The following ADAMTS9 variants were observed in gnomAD, a reference collection of about 807,000 sequenced individuals.
The protein encoded by ADAMTS9 is A disintegrin and metalloproteinase with thrombospondin motifs 9.
Under a neutral mutation model 257.1 loss-of-function variants are expected in ADAMTS9, and 107 were observed. That is an observed-to-expected ratio of 0.42 (90% CI 0.36 to 0.49). ADAMTS9 has a LOEUF of 0.49. Among genes scored for constraint, ADAMTS9 ranks in the 20% least tolerant of loss-of-function variants. The probability of loss-of-function intolerance (pLI) is 0.03; values close to 1 mark genes in which losing one functional copy is unlikely to be tolerated. For missense variants in ADAMTS9, 2,353 were observed against 2,469.1 expected (o/e 0.95, Z 1.00); for synonymous variants, 982 against 880.9 (o/e 1.11, Z -2.03).
At chr3:64,528,761 G>T (rs1174359460) in intron 38 of ADAMTS9, among the ~76,000 whole-genome samples, 4 of 152,284 alleles carry the variant, frequency 2.6e-5, no homozygotes, top group African/African-American at 9.6e-5. Flanking sequence ...TGCCCAGTAG[G>T]ATACCAACAG....
chr3:64,675,729 C>T (rs968651146), intron 3 of ADAMTS9, among the ~76,000 whole-genome samples: 82 of 152,296 alleles, frequency 5.4e-4, no homozygotes, highest in Admixed American at 4.6e-3. Flanking sequence ...GGTTAAGGCT[C>T]AGACTCTCTT....
chr3:64,608,846 T>A (rs191083437), intron 22 of ADAMTS9, among the ~76,000 whole-genome samples: 1 of 151,904 alleles, frequency 6.6e-6, no homozygotes, highest in African/African-American at 2.4e-5. Flanking sequence ...ACCAGATTAA[T>A]ATTGCTTATA....
chr3:64,608,258 C>CA (rs57247914), intron 22 of ADAMTS9, among the ~76,000 whole-genome samples: 11,804 of 53,214 alleles, frequency 0.22, 1,037 homozygotes, highest in African/African-American at 0.29. Flanking sequence ...AAACTAAAAC[C>CA]AAAAAAAAAA....
intron 39 of ADAMTS9, among the ~76,000 whole-genome samples, chr3:64,520,100 AGGGT>A (rs900178873): frequency 6.6e-6 from 1 of 152,236 alleles, no homozygotes; most frequent in Non-Finnish European, 1.5e-5. Context: ...GTAAATTTTC[AGGGT>A]GCAAAATAAA....
chr3:64,550,896 G>C lies in ADAMTS9; in HGVS notation c.4865C>G (p.Ser1622Ter), dbSNP rs2083261584. ...CEYVWITGEW[S>*]ECSVTCGKGY... The stretch of plus-strand genomic sequence containing the variant: ...TTACAGTTCCCAGGACGGTACCTCT[G>C]ACCATTCTCCTGTGATCCAGACATA... The change falls in exon 31 of 40, where the codon TCA (serine) becomes TGA (stop). Residue 1622 changes from serine (S) to a stop codon, truncating the protein, a stop_gained. Transcript: ENST00000498707. LOFTEE classifies it high-confidence loss of function. 1 of 1,614,086 alleles carries C rather than the reference G, an allele frequency of 6.2e-7. No homozygotes were observed. The highest frequency in any genetic ancestry group is 8.5e-7 in the Non-Finnish European group (1 of 1,180,000).
intron 3 of ADAMTS9, among the ~76,000 whole-genome samples, chr3:64,664,991 T>G (rs1220157390): frequency 1.3e-5 from 2 of 152,190 alleles, no homozygotes; most frequent in Non-Finnish European, 2.9e-5. Context: ...ATTAAATAGC[T>G]TATGAAGAAC....
At position 64,533,266 on chromosome 3, in the gene ADAMTS9, C is replaced by A; in HGVS notation, c.5618G>T (p.Arg1873Leu). The part of the protein sequence containing the change: ...CYSAAKCPQG[R>L]FSINLYGTGL... ...GGTTCCATAAAGGTTGATGCTAAAA[C>A]GACCCTGGAAAACACGACCAACAAA... The change falls in exon 38 of 40, where the codon CGT becomes CTT. Residue 1873 changes from arginine to leucine, a missense_variant. By Grantham distance (102) the Arg-to-Leu change is moderately radical (BLOSUM62 -2). Transcript: ENST00000498707. 2 of 1,613,746 alleles carry A rather than the reference C, an allele frequency of 1.2e-6. No homozygotes were observed. Among genetic ancestry groups the A allele is most frequent in the Non-Finnish European group, 1.7e-6 (2 of 1,179,744 alleles).
At position 64,596,801 on chromosome 3, in the gene ADAMTS9, G is replaced by A. The variant is rs768314114; in HGVS notation, c.4179+29C>T. 6 of 1,612,646 alleles carry A rather than the reference G, an allele frequency of 3.7e-6. No homozygotes were observed. The East Asian group carries it at 1.3e-4, about 36-fold the overall frequency. On this transcript the variant is annotated intron_variant, in intron 27 of 39. Transcript: ENST00000498707. ...ACAGTTTGGTTAACACAATTCCTCTGTATTTATAGACGGATAGTTCACTCT... is the reference window on the plus strand; with the variant it reads ...ACAGTTTGGTTAACACAATTCCTCTATATTTATAGACGGATAGTTCACTCT...
At chr3:64,590,859 C>G (rs993444138) in intron 28 of ADAMTS9, among the ~76,000 whole-genome samples, 1 of 152,102 alleles carries the variant, frequency 6.6e-6, no homozygotes, top group South Asian at 2.1e-4. Flanking sequence ...AGGAGAAGCA[C>G]AGTTTCCAAG....
intron 18 of ADAMTS9, among the ~76,000 whole-genome samples, chr3:64,621,936 T>G (rs1700117597): frequency 6.6e-6 from 1 of 152,008 alleles, no homozygotes; most frequent in Non-Finnish European, 1.5e-5. Context: ...TCTGGAAAAT[T>G]ACAATGGCGG....
intron 28 of ADAMTS9, among the ~76,000 whole-genome samples, chr3:64,578,224 T>C (rs2083904091): frequency 6.6e-6 from 1 of 151,864 alleles, no homozygotes; most frequent in Non-Finnish European, 1.5e-5. Context: ...ACACAGTCAC[T>C]CTCAATATGC....
chr3:64,649,832 T>C (rs1324755310), intron 9 of ADAMTS9, 54 bp from the exon 10 acceptor site: 8 of 1,563,502 alleles, frequency 5.1e-6, no homozygotes, highest in Non-Finnish European at 1.7e-6. Flanking sequence ...TGTCAAGGTC[T>C]CCCCCAGGTA....
chr3:64,666,012 A>G (rs1364311570), intron 3 of ADAMTS9, among the ~76,000 whole-genome samples: 2 of 152,230 alleles, frequency 1.3e-5, no homozygotes, highest in East Asian at 1.9e-4. Flanking sequence ...GAAATAAACA[A>G]CAGCAATGAC....
rs1451798300 is a variant in ADAMTS9, at chr3:64,550,876, G to A, written c.4869+16C>T. On this transcript the variant is annotated intron_variant, in intron 31 of 39. Transcript: ENST00000498707. Reference sequence around the variant, plus strand: ...CATGGCTGAGCTGACGATGGTTACAGTTCCCAGGACGGTACCTCTGACCAT... The same window carrying A: ...CATGGCTGAGCTGACGATGGTTACAATTCCCAGGACGGTACCTCTGACCAT... 1.9e-6 allele frequency: 3 copies of A among 1,613,520 alleles called. No individual in the cohort carries two copies. Among genetic ancestry groups the A allele is most frequent in the East Asian group, 2.2e-5 (1 of 44,830 alleles).
chr3:64,516,804 T>C lies in ADAMTS9; in HGVS notation c.*323A>G, dbSNP rs1559741558. On this transcript the variant is annotated 3_prime_UTR_variant, in exon 40 of 40. Transcript: ENST00000498707. Reference sequence around the variant, plus strand: ...AATAGTGTACCGTGATAATGAAGGATCACTTTGTCATATTACTACATGCAA... The same window carrying C: ...AATAGTGTACCGTGATAATGAAGGACCACTTTGTCATATTACTACATGCAA... 1 of 152,660 alleles carries C rather than the reference T, an allele frequency of 6.6e-6. No homozygotes were observed. The highest frequency in any genetic ancestry group is 1.5e-5 in the Non-Finnish European group (1 of 68,052). The allele number at this position is 152,660 out of a possible 1,614,324, so 9.5% of individuals were successfully genotyped here. A position where few individuals can be genotyped will look rare whatever the true frequency, so the allele number is the denominator to read the frequency against.
chr3:64,653,746 C>G (rs1342113526), intron 8 of ADAMTS9, among the ~76,000 whole-genome samples: 1 of 152,164 alleles, frequency 6.6e-6, no homozygotes, highest in Non-Finnish European at 1.5e-5. Context: ...GCCCCATGTT[C>G]TAACCGTGCT....
chr3:64,649,884 G>A, intron 9 of ADAMTS9, 106 bp from the exon 10 acceptor site: 1 of 1,335,704 alleles, frequency 7.5e-7, no homozygotes, highest in Non-Finnish European at 1.0e-6. Flanking sequence ...AGAGAGGACA[G>A]TTACTTTTTA....
At chr3:64,638,827 T>C (rs1700565913) in intron 12 of ADAMTS9, among the ~76,000 whole-genome samples, 1 of 152,084 alleles carries the variant, frequency 6.6e-6, no homozygotes, top group African/African-American at 2.4e-5. Flanking sequence ...ATAAAGTCTC[T>C]GGATGCTAAA....
chr3:64,681,738 TCTCAATATGTTGCCCAGG>T (rs1701762511), intron 2 of ADAMTS9, among the ~76,000 whole-genome samples: 2 of 151,902 alleles, frequency 1.3e-5, no homozygotes, highest in African/African-American at 4.8e-5. Context: ...GAGATGGGGG[TCTCAATATGTTGCCCAGG>T]CTCAATATGT....
Sources: allele counts gnomAD v4.1 joint callset (sites outside exome capture counted in the v4.1 genomes callset), GRCh38; gene constraint gnomAD v4.1.1; transcripts MANE v1.5; gene names NCBI Gene and HGNC (gene_info 2026-07-23, HGNC 2026-07-21).